The following PKP4 variants were observed in gnomAD, a reference collection of about 807,000 sequenced individuals.
The protein encoded by PKP4 is plakophilin 4.
In PKP4, 90 loss-of-function variants were observed where a neutral mutation model predicts 145.1. The ratio of observed to expected loss-of-function variants is 0.62; its 90% CI spans 0.52 to 0.74. The LOEUF (loss-of-function observed/expected upper bound fraction) is 0.74, where lower values mean the gene tolerates loss of function less well. Among genes scored for constraint, PKP4 ranks in the 30% least tolerant of loss-of-function variants. The probability of loss-of-function intolerance (pLI) is 0.00; values close to 1 mark genes in which losing one functional copy is unlikely to be tolerated. For synonymous variants in PKP4, 563 were observed against 577.2 expected (o/e 0.98, Z 0.35); for missense variants, 1,340 against 1,482.7 (o/e 0.90, Z 1.58).
chr2:158,496,627 G>C (rs1231981732), intron 1 of PKP4, among the ~76,000 whole-genome samples: 1 of 152,080 alleles, frequency 6.6e-6, no homozygotes, highest in Non-Finnish European at 1.5e-5. Context: ...TGTCTCTCCA[G>C]AATTCAGCCT....
chr2:158,465,110 A>T (rs930121810), intron 1 of PKP4, among the ~76,000 whole-genome samples: 1 of 152,236 alleles, frequency 6.6e-6, no homozygotes, highest in Non-Finnish European at 1.5e-5. Context: ...AATCCATGAT[A>T]CATTTTTCAG....
chr2:158,646,508 TTA>T (rs1213620525), intron 11 of PKP4, among the ~76,000 whole-genome samples: 1 of 152,206 alleles, frequency 6.6e-6, no homozygotes, highest in South Asian at 2.1e-4. Context: ...GTACATGTAT[TTA>T]TAGTCTAAGC....
At chr2:158,548,842 G>A in intron 2 of PKP4, 1 of 212,266 alleles carries the variant, frequency 4.7e-6, no homozygotes, top group Non-Finnish European at 9.6e-6. Context: ...CTTCGAGTAG[G>A]GGTTAACATT....
At chr2:158,621,575 G>A (rs954540451) in intron 6 of PKP4, among the ~76,000 whole-genome samples, 154 bp downstream of exon 6, 21 of 151,960 alleles carry the variant, frequency 1.4e-4, no homozygotes, top group Non-Finnish European at 2.5e-4. Flanking sequence ...GCGAAACCCC[G>A]TCTCTACTAA....
intron 15 of PKP4, among the ~76,000 whole-genome samples, chr2:158,664,273 C>T (rs2056880024): frequency 1.3e-5 from 2 of 152,176 alleles, no homozygotes; most frequent in African/African-American, 2.4e-5. Context: ...GGATAGAGGA[C>T]CTCTGTTCCT....
chr2:158,491,511 T>A (rs1274291383), intron 1 of PKP4, among the ~76,000 whole-genome samples: 1 of 152,092 alleles, frequency 6.6e-6, no homozygotes, highest in Non-Finnish European at 1.5e-5. Flanking sequence ...CTTCTGTAAA[T>A]TTTTTGTCCA....
intron 2 of PKP4, among the ~76,000 whole-genome samples, chr2:158,534,713 T>C (rs1281450031): frequency 6.6e-6 from 1 of 152,194 alleles, no homozygotes; most frequent in Non-Finnish European, 1.5e-5. Flanking sequence ...GGAATGTCTG[T>C]TTGTACCTTG....
At chr2:158,565,707 G>C (rs1392317219) in intron 2 of PKP4, among the ~76,000 whole-genome samples, 1 of 152,104 alleles carries the variant, frequency 6.6e-6, no homozygotes, top group Non-Finnish European at 1.5e-5. Context: ...TTCTGGATGT[G>C]TATGCACTGA....
intron 3 of PKP4, chr2:158,588,306 T>C (rs2048977227): frequency 6.6e-6 from 1 of 152,194 alleles, no homozygotes; most frequent in African/African-American, 2.4e-5. Context: ...TCCCGGTTCA[T>C]TTTCTCTTGC....
At chr2:158,522,394 G>T (rs997183277) in intron 1 of PKP4, among the ~76,000 whole-genome samples, 1 of 152,156 alleles carries the variant, frequency 6.6e-6, no homozygotes, top group Non-Finnish European at 1.5e-5. Context: ...CTGCAGCCTT[G>T]AGCAGAAAAA....
chr2:158,678,122 C>A lies in PKP4; in HGVS notation c.3257-459C>A, dbSNP rs576311136. Among the ~76,000 whole-genome samples, 10 of 152,198 alleles carry A rather than the reference C, an allele frequency of 6.6e-5. 1 individual carries two copies. In the South Asian group the frequency reaches 1.9e-3, roughly 28 times the overall value. On this transcript the variant is annotated intron_variant, in intron 20 of 21. Transcript: ENST00000389759. ...CCTTCCTTGACCTGAGATTTTGAAT[C>A]CCAGTTGTTTGTTTGGAAGGCATGG... is the stretch of plus-strand genomic sequence containing the variant.
At chr2:158,520,420 T>C (rs2042274580) in intron 1 of PKP4, among the ~76,000 whole-genome samples, 1 of 152,250 alleles carries the variant, frequency 6.6e-6, no homozygotes, top group South Asian at 2.1e-4. Flanking sequence ...AAACCAGAAG[T>C]AGTTTAATTC....
At chr2:158,655,691 G>A (rs189203134) in intron 11 of PKP4, among the ~76,000 whole-genome samples, 123 of 152,242 alleles carry the variant, frequency 8.1e-4, no homozygotes, top group Non-Finnish European at 1.3e-3. Flanking sequence ...TGAGGAATTC[G>A]AAAGCTGTGA....
intron 1 of PKP4, among the ~76,000 whole-genome samples, chr2:158,493,760 A>C (rs60126942): frequency 0.063 from 9,638 of 152,304 alleles, 417 homozygotes; most frequent in South Asian, 0.11. Context: ...AGTGCTGCTC[A>C]CTTGGCAACA....
At chr2:158,613,732 G>C (rs943201694) in intron 4 of PKP4, among the ~76,000 whole-genome samples, 5 of 152,188 alleles carry the variant, frequency 3.3e-5, no homozygotes, top group African/African-American at 1.2e-4. Context: ...AACCCTGAAA[G>C]TTGTAATGTG....
intron 1 of PKP4, among the ~76,000 whole-genome samples, chr2:158,468,758 T>C (rs79326423): frequency 0.044 from 5,523 of 126,112 alleles, 242 homozygotes; most frequent in African/African-American, 0.12. Context: ...GACATTTTCT[T>C]TTCTTCTTCT....
intron 2 of PKP4, among the ~76,000 whole-genome samples, chr2:158,542,302 AAAG>A (rs2044592085): frequency 6.6e-6 from 1 of 152,216 alleles, no homozygotes; most frequent in Non-Finnish European, 1.5e-5. Flanking sequence ...TTCAGTTAGC[AAAG>A]AATAATGAAA....
At chr2:158,504,908 C>T (rs1369201880) in intron 1 of PKP4, among the ~76,000 whole-genome samples, 1 of 152,142 alleles carries the variant, frequency 6.6e-6, no homozygotes. Flanking sequence ...TTTTTGATGG[C>T]TGTCCTGTGC....
At chr2:158,550,327 T>G (rs2045505872) in intron 2 of PKP4, among the ~76,000 whole-genome samples, 1 of 152,206 alleles carries the variant, frequency 6.6e-6, no homozygotes, top group South Asian at 2.1e-4. Flanking sequence ...GTGTTAATGT[T>G]TTTAAAGGCA....
Sources: allele counts gnomAD v4.1 joint callset (sites outside exome capture counted in the v4.1 genomes callset), GRCh38; gene constraint gnomAD v4.1.1; transcripts MANE v1.5; gene names NCBI Gene and HGNC (gene_info 2026-07-23, HGNC 2026-07-21).